Variants in FRK observed in about 807,000 individuals in gnomAD.
FRK encodes fyn related Src family tyrosine kinase.
In FRK, 51 loss-of-function variants were observed where a neutral mutation model predicts 56.4. The ratio of observed to expected loss-of-function variants is 0.90; its 90% CI spans 0.72 to 1.14. FRK has a LOEUF of 1.14. Ranked by LOEUF, FRK falls within the 50% of genes most tolerant of loss-of-function variation. The pLI, the probability that FRK is intolerant of heterozygous loss-of-function variation, is 0.00. For missense variants in FRK, 570 were observed against 601.4 expected (o/e 0.95, Z 0.55); for synonymous variants, 245 against 217.9 (o/e 1.12, Z -1.10).
At chr6:116,005,744 C>A (rs1775223615) in intron 1 of FRK, among the ~76,000 whole-genome samples, 1 of 151,930 alleles carries the variant, frequency 6.6e-6, no homozygotes, top group Admixed American at 6.6e-5. Context: ...AGAAACAAGT[C>A]AATAGAATAC....
At chr6:115,967,814 A>C in intron 3 of FRK, 95 bp from the exon 4 acceptor site, 2 of 932,516 alleles carry the variant, frequency 2.1e-6, no homozygotes, top group Non-Finnish European at 3.1e-6. Flanking sequence ...TTTTAAATAA[A>C]ACTTCTTAAA....
chr6:115,979,588 A>T (rs1251548172), intron 2 of FRK, among the ~76,000 whole-genome samples: 2 of 152,182 alleles, frequency 1.3e-5, no homozygotes, highest in African/African-American at 4.8e-5. Context: ...CATAAAGTAC[A>T]ATAACATCAC....
intron 1 of FRK, among the ~76,000 whole-genome samples, chr6:116,056,370 G>A (rs1485077563): frequency 9.9e-5 from 15 of 151,930 alleles, no homozygotes; most frequent in Admixed American, 9.2e-4. Flanking sequence ...ACAGGTTTGT[G>A]CCACCATGCC....
chr6:115,970,526 T>C (rs1486613735), intron 2 of FRK, among the ~76,000 whole-genome samples: 1 of 152,212 alleles, frequency 6.6e-6, no homozygotes, highest in Non-Finnish European at 1.5e-5. Flanking sequence ...AATGCAAATT[T>C]GTAAATAAAC....
At chr6:115,949,710 G>A (rs1018212738) in intron 5 of FRK, among the ~76,000 whole-genome samples, 2 of 152,098 alleles carry the variant, frequency 1.3e-5, no homozygotes, top group Non-Finnish European at 2.9e-5. Flanking sequence ...CCAAAAAAGA[G>A]CCCGTATAGC....
At chr6:116,043,744 G>C (rs570428052) in intron 1 of FRK, among the ~76,000 whole-genome samples, 1 of 152,168 alleles carries the variant, frequency 6.6e-6, no homozygotes, top group African/African-American at 2.4e-5. Flanking sequence ...GATCCAAGTA[G>C]AACTGAAGGA....
chr6:116,008,875 C>T (rs369828532), intron 1 of FRK, among the ~76,000 whole-genome samples: 1 of 152,066 alleles, frequency 6.6e-6, no homozygotes, highest in Non-Finnish European at 1.5e-5. Flanking sequence ...CAAGTGTGGT[C>T]CCTAGATCAG....
intron 2 of FRK, among the ~76,000 whole-genome samples, chr6:115,980,503 G>C (rs1341266816): frequency 6.6e-6 from 1 of 152,098 alleles, no homozygotes; most frequent in Non-Finnish European, 1.5e-5. Flanking sequence ...TTGTATATGG[G>C]CAAAGATGAT....
the FRK span, among the ~76,000 whole-genome samples, chr6:116,070,734 C>A: frequency 1.3e-5 from 2 of 152,042 alleles, no homozygotes; most frequent in Admixed American, 6.6e-5. Context: ...ACAAATGCAC[C>A]GTTTCTTACT....
the FRK span, among the ~76,000 whole-genome samples, chr6:116,099,089 C>G: frequency 1.5e-4 from 23 of 152,314 alleles, no homozygotes; most frequent in Non-Finnish European, 2.9e-4. Flanking sequence ...ATAGCCAGAT[C>G]CAGTCCCAGG....
intron 1 of FRK, among the ~76,000 whole-genome samples, chr6:116,045,427 C>A (rs1562302882): frequency 6.6e-6 from 1 of 152,084 alleles, no homozygotes; most frequent in East Asian, 1.9e-4. Flanking sequence ...AGAAATAATG[C>A]CACACATCTA....
intron 2 of FRK, among the ~76,000 whole-genome samples, chr6:115,982,522 G>A (rs1774236753): frequency 6.6e-6 from 1 of 152,058 alleles, no homozygotes; most frequent in African/African-American, 2.4e-5. Context: ...GCAAATGTAG[G>A]TCAGGTAACA....
chr6:116,089,841 C>T, the FRK span, among the ~76,000 whole-genome samples: 48 of 152,016 alleles, frequency 3.2e-4, no homozygotes, highest in African/African-American at 8.4e-4. Context: ...GACACATTTC[C>T]GCCTATAACA....
At chr6:115,969,236 T>A (rs1438059834) in intron 2 of FRK, among the ~76,000 whole-genome samples, 30 of 152,172 alleles carry the variant, frequency 2.0e-4, no homozygotes, top group Admixed American at 2.0e-3. Flanking sequence ...CAATAATGCA[T>A]GAAATTCCAC....
At chr6:115,953,287 T>A (rs1772854887) in intron 5 of FRK, among the ~76,000 whole-genome samples, 1 of 139,770 alleles carries the variant, frequency 7.2e-6, no homozygotes, top group African/African-American at 2.6e-5. Flanking sequence ...CCTCCTGGGT[T>A]CACGCCATTC....
chr6:115,952,933 G>A, intron 5 of FRK, among the ~76,000 whole-genome samples: 1 of 96,858 alleles, frequency 1.0e-5, no homozygotes, highest in Admixed American at 1.5e-4. Context: ...GGGGTGGGGG[G>A]AGGGGGGAGG....
chr6:116,096,062 TG>T, the FRK span, among the ~76,000 whole-genome samples: 1 of 152,246 alleles, frequency 6.6e-6, no homozygotes, highest in Admixed American at 6.5e-5. Flanking sequence ...TTGTCAAATT[TG>T]GTTCCTCTAG....
chr6:115,997,212 T>A (rs1774874128), intron 2 of FRK, among the ~76,000 whole-genome samples: 1 of 152,190 alleles, frequency 6.6e-6, no homozygotes, highest in Admixed American at 6.6e-5. Flanking sequence ...GTCAATTACT[T>A]TGAAGAGCAA....
At chr6:115,976,041 T>C (rs1358016349) in intron 2 of FRK, among the ~76,000 whole-genome samples, 1 of 152,016 alleles carries the variant, frequency 6.6e-6, no homozygotes, top group Non-Finnish European at 1.5e-5. Flanking sequence ...AGAGGATCTA[T>C]GAGATCTAGT....
Sources: gnomAD v4.1 joint callset for allele counts (sites outside exome capture counted in the v4.1 genomes callset) on GRCh38, gnomAD v4.1.1 for gene constraint, MANE v1.5 for transcripts, NCBI Gene and HGNC (gene_info 2026-07-23, HGNC 2026-07-21) for gene names.